The following MAGI1 variants were observed in gnomAD, a reference collection of about 807,000 sequenced individuals.
The protein encoded by MAGI1 is membrane-associated guanylate kinase, WW and PDZ domain-containing protein 1.
In MAGI1, 58 loss-of-function variants were observed where a neutral mutation model predicts 139.9. The observed-to-expected ratio is 0.41, with a 90% confidence interval of 0.34 to 0.52. The LOEUF (loss-of-function observed/expected upper bound fraction) is 0.52, where lower values mean the gene tolerates loss of function less well. Ranked by LOEUF, MAGI1 falls within the 20% of genes least tolerant of loss-of-function variation. The probability of loss-of-function intolerance (pLI) is 0.12; values close to 1 mark genes in which losing one functional copy is unlikely to be tolerated. For missense variants in MAGI1, 1,874 were observed against 1,901.6 expected, an observed-to-expected ratio of 0.99 and a Z score of 0.27; for synonymous variants, 812 against 737.9, an observed-to-expected ratio of 1.10 and a Z score of -1.63.
chr3:65,770,738 G>A lies in MAGI1; in HGVS notation c.314-148650C>T, dbSNP rs1210637576. Among the ~76,000 whole-genome samples, 3 of 152,088 alleles carry A rather than the reference G, an allele frequency of 2.0e-5. 1 individual carries two copies. The South Asian group carries it at 6.2e-4, about 32-fold the overall frequency. The stretch of plus-strand genomic sequence containing the variant: ...GGAGTCTCGCTCTGTCACCAGGCTG[G>A]AGTGCAGTGGCACAATCTCAGCTCA... On this transcript the variant is annotated intron_variant, in intron 1 of 22. Transcript: ENST00000402939.
At chr3:65,741,581 A>C (rs2035276690) in intron 1 of MAGI1, among the ~76,000 whole-genome samples, 1 of 152,344 alleles carries the variant, frequency 6.6e-6, no homozygotes, top group South Asian at 2.1e-4. Context: ...TTTACAAAAG[A>C]ACTTAAAAAC....
chr3:65,383,467 T>G, intron 15 of MAGI1, 65 bp downstream of exon 15: 1 of 1,192,656 alleles, frequency 8.4e-7, no homozygotes, highest in South Asian at 1.2e-5. Context: ...GATTTGTCAC[T>G]GTCGCCAATT....
intron 1 of MAGI1, among the ~76,000 whole-genome samples, chr3:65,827,197 T>C (rs2042275511): frequency 6.6e-6 from 1 of 152,200 alleles, no homozygotes; most frequent in Non-Finnish European, 1.5e-5. Context: ...TTTTTTTTCT[T>C]TCCTATATTC....
intron 1 of MAGI1, among the ~76,000 whole-genome samples, chr3:65,938,401 A>C (rs989285429): frequency 2.7e-5 from 4 of 150,540 alleles, no homozygotes; most frequent in African/African-American, 9.7e-5. Flanking sequence ...AAGGTCTTTA[A>C]GGACCTTTAA....
intron 8 of MAGI1, 78 bp from the exon 9 acceptor site, chr3:65,440,090 G>C (rs1274770973): frequency 6.6e-7 from 1 of 1,507,094 alleles, no homozygotes; most frequent in Non-Finnish European, 9.2e-7. Context: ...CAAGTCCCTG[G>C]AATCAAACTG....
In MAGI1 at chr3:66,000,074, G is replaced by A. The variant is rs147717098; in HGVS notation, c.313+37922C>T. Among the ~76,000 whole-genome samples, 795 of 145,666 alleles carry A rather than the reference G, an allele frequency of 5.5e-3. 4 individuals carry two copies. Among genetic ancestry groups the A allele is most frequent in the African/African-American group, 0.018 (724 of 39,520 alleles). ...TGCAAGCTCCACCTCCCGGGTCCAC[G>A]CCATTCTCCTGCCTCAGCCTCCCGA... On this transcript the variant is annotated intron_variant, in intron 1 of 22. Coordinates refer to ENST00000402939, the MANE Select transcript of MAGI1 (RefSeq NM_001033057.2).
intron 1 of MAGI1, among the ~76,000 whole-genome samples, chr3:65,722,593 G>A (rs574192184): frequency 6.6e-5 from 10 of 152,186 alleles, no homozygotes; most frequent in South Asian, 2.1e-4. Flanking sequence ...TGATCACACC[G>A]CTGCGCTCCA....
intron 12 of MAGI1, among the ~76,000 whole-genome samples, chr3:65,423,203 C>T (rs934114256): frequency 2.6e-5 from 4 of 152,170 alleles, no homozygotes; most frequent in African/African-American, 9.7e-5. Context: ...CAATCTGAGA[C>T]ATTGTGGCAG....
At chr3:65,460,207 A>G (rs1296533636) in intron 5 of MAGI1, among the ~76,000 whole-genome samples, 1 of 152,198 alleles carries the variant, frequency 6.6e-6, no homozygotes, top group Non-Finnish European at 1.5e-5. Flanking sequence ...ATTTATTTGA[A>G]TACTGAGAAA....
intron 1 of MAGI1, among the ~76,000 whole-genome samples, chr3:65,694,790 T>C (rs73129883): frequency 0.12 from 18,764 of 152,216 alleles, 1,762 homozygotes; most frequent in East Asian, 0.43. Flanking sequence ...AAGGCAGAAA[T>C]CTATTAATTA....
intron 5 of MAGI1, among the ~76,000 whole-genome samples, chr3:65,454,820 T>C (rs376469648): frequency 3.9e-5 from 6 of 151,930 alleles, no homozygotes; most frequent in East Asian, 3.9e-4. Flanking sequence ...AAAGGTAATA[T>C]AGCAACCACC....
chr3:65,827,975 T>C (rs951065499), intron 1 of MAGI1, among the ~76,000 whole-genome samples: 1 of 152,154 alleles, frequency 6.6e-6, no homozygotes, highest in Non-Finnish European at 1.5e-5. Flanking sequence ...TCCCTGAACA[T>C]TTCCTTCCAG....
chr3:65,499,330 T>C (rs2076994527), intron 2 of MAGI1, among the ~76,000 whole-genome samples: 1 of 152,122 alleles, frequency 6.6e-6, no homozygotes, highest in South Asian at 2.1e-4. Flanking sequence ...GAAAATGTTT[T>C]AGCTATGTAA....
At chr3:65,445,854 G>GAA (rs1948643768) in intron 7 of MAGI1, among the ~76,000 whole-genome samples, 1 of 152,136 alleles carries the variant, frequency 6.6e-6, no homozygotes, top group African/African-American at 2.4e-5. Context: ...TTACAAAGAG[G>GAA]GTTTCCTTGT....
At chr3:65,436,377 A>G (rs1947855293) in intron 10 of MAGI1, among the ~76,000 whole-genome samples, 1 of 152,126 alleles carries the variant, frequency 6.6e-6, no homozygotes, top group Admixed American at 6.5e-5. Flanking sequence ...AAACACAAAT[A>G]TTTTCTATAA....
intron 5 of MAGI1, among the ~76,000 whole-genome samples, chr3:65,456,381 T>A (rs113091193): frequency 5.1e-4 from 76 of 148,866 alleles, no homozygotes; most frequent in South Asian, 1.5e-3. Context: ...GGTTTGATAT[T>A]TTTTTTTTTT....
At chr3:65,884,306 C>T (rs1435327206) in intron 1 of MAGI1, among the ~76,000 whole-genome samples, 2 of 152,202 alleles carry the variant, frequency 1.3e-5, no homozygotes, top group Non-Finnish European at 2.9e-5. Flanking sequence ...CGATACTGTG[C>T]ATGAGGTATC....
At chr3:65,561,053 G>A (rs537200577) in intron 2 of MAGI1, among the ~76,000 whole-genome samples, 4 of 152,144 alleles carry the variant, frequency 2.6e-5, no homozygotes, top group African/African-American at 4.8e-5. Flanking sequence ...CTTAGACAGC[G>A]TTAGACCTGG....
At position 65,450,270 on chromosome 3, in the gene MAGI1, ATTTACAT is replaced by A. The variant is rs545895510; in HGVS notation, c.1043-2220_1043-2214del. ...AGGTTGTCAGCGATAACATCATCAC[ATTTACAT>A]TTTAAAAGATTTCTCCGAGTACAAC... On this transcript the variant is annotated intron_variant, in intron 6 of 22. Transcript: ENST00000402939. Among the ~76,000 whole-genome samples the A allele has an allele frequency of 5.9e-5, 9 of 152,278 alleles. No individual in the cohort carries two copies. The East Asian group carries it at 9.7e-4, about 16-fold the overall frequency.
Sources: allele counts gnomAD v4.1 joint callset (sites outside exome capture counted in the v4.1 genomes callset), GRCh38; gene constraint gnomAD v4.1.1; transcripts MANE v1.5; gene names NCBI Gene and HGNC (gene_info 2026-07-23, HGNC 2026-07-21).